Variants in DPYD observed in about 807,000 individuals in gnomAD.
DPYD encodes dihydropyrimidine dehydrogenase.
In DPYD, 109 loss-of-function variants were observed where a neutral mutation model predicts 116.2. The ratio of observed to expected loss-of-function variants is 0.94; its 90% CI spans 0.80 to 1.10. The LOEUF (loss-of-function observed/expected upper bound fraction) is 1.10, where lower values mean the gene tolerates loss of function less well. Ranked by LOEUF, DPYD falls within the 50% of genes least tolerant of loss-of-function variation. The pLI, the probability that DPYD is intolerant of heterozygous loss-of-function variation, is 0.00. For missense variants in DPYD, 1,302 were observed against 1,254.5 expected (o/e 1.04, Z -0.57); for synonymous variants, 440 against 432.0 (o/e 1.02, Z -0.23).
intron 2 of DPYD, 136 bp downstream of exon 2, chr1:97,883,128 A>C (rs1027911038): frequency 6.9e-5 from 42 of 608,702 alleles, no homozygotes; most frequent in Middle Eastern, 4.4e-4. Context: ...ACTTTTTCAA[A>C]TATTAAATAT....
intron 18 of DPYD, among the ~76,000 whole-genome samples, chr1:97,277,812 G>A (rs1229937008): frequency 6.6e-6 from 1 of 152,158 alleles, no homozygotes; most frequent in Non-Finnish European, 1.5e-5. Context: ...TTTAGAAATT[G>A]AAATTAGATC....
chr1:97,854,040 T>C (rs1351535009), intron 2 of DPYD, among the ~76,000 whole-genome samples: 1 of 152,214 alleles, frequency 6.6e-6, no homozygotes, highest in East Asian at 1.9e-4. Flanking sequence ...GCTGATTATA[T>C]TGTTAACTCT....
intron 18 of DPYD, among the ~76,000 whole-genome samples, chr1:97,302,243 A>C (rs1202248933): frequency 6.6e-6 from 1 of 152,038 alleles, no homozygotes. Flanking sequence ...GTTTAGACAG[A>C]GTACTTATAT....
chr1:97,508,179 A>G (rs1164408102), intron 13 of DPYD, among the ~76,000 whole-genome samples: 1 of 152,054 alleles, frequency 6.6e-6, no homozygotes, highest in Non-Finnish European at 1.5e-5. Flanking sequence ...TGATAAGTGC[A>G]GTGAAGAAAA....
At chr1:97,579,497 T>C (rs186916226) in intron 10 of DPYD, among the ~76,000 whole-genome samples, 16 of 152,356 alleles carry the variant, frequency 1.1e-4, no homozygotes, top group Non-Finnish European at 1.5e-4. Context: ...AGTTGTCAAG[T>C]TATGCTGCTA....
intron 1 of DPYD, among the ~76,000 whole-genome samples, chr1:97,899,261 C>T (rs763657458): frequency 5.3e-5 from 8 of 151,624 alleles, no homozygotes; most frequent in Non-Finnish European, 7.4e-5. Flanking sequence ...ATGACTAACA[C>T]GCAATTAAAA....
At chr1:97,114,109 T>C (rs1348073781) in intron 20 of DPYD, among the ~76,000 whole-genome samples, 1 of 152,130 alleles carries the variant, frequency 6.6e-6, no homozygotes, top group Non-Finnish European at 1.5e-5. Flanking sequence ...AACTTCAAAA[T>C]TTGCCATCAT....
chr1:97,754,907 T>C (rs937590565), intron 3 of DPYD, among the ~76,000 whole-genome samples: 8 of 152,220 alleles, frequency 5.3e-5, no homozygotes, highest in African/African-American at 1.9e-4. Context: ...CGGTTCAATG[T>C]TCATTTGTTG....
At chr1:97,099,941 C>T (rs1650543605) in intron 20 of DPYD, among the ~76,000 whole-genome samples, 1 of 152,058 alleles carries the variant, frequency 6.6e-6, no homozygotes, top group South Asian at 2.1e-4. Context: ...AAGATTGTTA[C>T]TTCCATTATC....
intron 13 of DPYD, among the ~76,000 whole-genome samples, chr1:97,478,704 G>A (rs1381711083): frequency 6.6e-6 from 1 of 152,170 alleles, no homozygotes. Context: ...GTCTTTTGAA[G>A]TCATTCATTC....
chr1:97,853,240 C>T (rs951292997), intron 2 of DPYD, among the ~76,000 whole-genome samples: 3 of 152,168 alleles, frequency 2.0e-5, no homozygotes, highest in East Asian at 3.9e-4. Flanking sequence ...CCTGAATTAA[C>T]GCTCAATATC....
intron 16 of DPYD, among the ~76,000 whole-genome samples, chr1:97,311,830 T>C (rs1280814036): frequency 6.6e-6 from 1 of 151,898 alleles, no homozygotes; most frequent in Admixed American, 6.6e-5. Context: ...CTCAAAAGTA[T>C]ACAATATAAT....
chr1:97,417,177 T>C (rs1674332172), intron 14 of DPYD, among the ~76,000 whole-genome samples: 2 of 152,138 alleles, frequency 1.3e-5, no homozygotes, highest in Non-Finnish European at 2.9e-5. Context: ...TCATAATGTC[T>C]TGGATAAGTT....
intron 2 of DPYD, among the ~76,000 whole-genome samples, chr1:97,881,663 C>A (rs565179568): frequency 2.9e-4 from 44 of 151,976 alleles, no homozygotes; most frequent in African/African-American, 9.6e-4. Context: ...CAACAGCAAT[C>A]AAAATAAAGA....
chr1:97,601,844 G>A (rs1488870288), intron 8 of DPYD, among the ~76,000 whole-genome samples: 1 of 151,924 alleles, frequency 6.6e-6, no homozygotes, highest in African/African-American at 2.4e-5. Flanking sequence ...AAAATGGAGT[G>A]ATTCAATATA....
chr1:97,820,524 T>C (rs1049811102), intron 3 of DPYD, among the ~76,000 whole-genome samples: 2 of 152,226 alleles, frequency 1.3e-5, no homozygotes, highest in Non-Finnish European at 2.9e-5. Context: ...TTTCCAAGTT[T>C]ACATGGCTAT....
chr1:97,217,547 G>T (rs12116905), intron 19 of DPYD, among the ~76,000 whole-genome samples: 14,395 of 151,682 alleles, frequency 0.095, 901 homozygotes, highest in South Asian at 0.22. Flanking sequence ...ATCATTATTT[G>T]CAGCTAGTCA....
intron 13 of DPYD, among the ~76,000 whole-genome samples, chr1:97,494,751 A>AACACACAC (rs10657499): frequency 2.0e-4 from 30 of 146,726 alleles, no homozygotes; most frequent in South Asian, 6.6e-4. Context: ...CAAAAAAGAA[A>AACACACAC]ACACACACAC....
chr1:97,252,781 C>T (rs966027944), intron 18 of DPYD, among the ~76,000 whole-genome samples: 1 of 152,120 alleles, frequency 6.6e-6, no homozygotes, highest in Non-Finnish European at 1.5e-5. Flanking sequence ...GTAAATAGGG[C>T]CAATGGTCAC....
Sources: gnomAD v4.1 joint callset for allele counts (sites outside exome capture counted in the v4.1 genomes callset) on GRCh38, gnomAD v4.1.1 for gene constraint, MANE v1.5 for transcripts, NCBI Gene and HGNC (gene_info 2026-07-23, HGNC 2026-07-21) for gene names.